VPS37C: variants seen among roughly 807,000 people sequenced by gnomAD.
VPS37C encodes vacuolar protein sorting-associated protein 37C.
VPS37C carries 9 observed loss-of-function variants against 16.1 expected under a neutral mutation model. The observed-to-expected ratio is 0.56, with a 90% confidence interval of 0.34 to 0.97. VPS37C has a LOEUF of 0.97. Among genes scored for constraint, VPS37C ranks in the 50% least tolerant of loss-of-function variants. The pLI, the probability that VPS37C is intolerant of heterozygous loss-of-function variation, is 0.02. For missense variants in VPS37C, 479 were observed against 472.7 expected (o/e 1.01, Z -0.12); for synonymous variants, 207 against 206.4 (o/e 1.00, Z -0.02).
At chr11:61,150,659 TCA>T (rs1345491715) in intron 1 of VPS37C, among the ~76,000 whole-genome samples, 1 of 151,740 alleles carries the variant, frequency 6.6e-6, no homozygotes, top group Non-Finnish European at 1.5e-5. Context: ...AGCCCTGTTC[TCA>T]CAGCTCAGTT....
chr11:61,132,224 C>G lies in VPS37C; in HGVS notation c.664G>C (p.Ala222Pro). 1 of 1,511,664 alleles carries G rather than the reference C, an allele frequency of 6.6e-7. No homozygotes were observed. Among genetic ancestry groups the G allele is most frequent in the African/African-American group, 1.4e-5 (1 of 71,770 alleles). The allele number at this position is 1,511,664 out of a possible 1,614,324, so 93.6% of individuals were successfully genotyped here. ...ACTGGGAAAGGGGCCGGTGGCAGGG[C>G]TCCATGGGCAGTGGGGCCCACAGGC... ...SLPVGPTAHGALPPAPFPVVS... is the reference protein window; with the variant it reads ...SLPVGPTAHGPLPPAPFPVVS... The change falls in exon 5 of 5, where the codon GCC (alanine) becomes CCC (proline). Residue 222 changes from alanine (A) to proline (P), a missense_variant. Transcript: ENST00000301765.
At position 61,132,286 on chromosome 11, in the gene VPS37C, G is replaced by C; in HGVS notation, c.602C>G (p.Pro201Arg). Residue 201 changes from proline to arginine, a missense_variant, in exon 5 of 5, where the codon CCT becomes CGT. Physicochemically the swap from Pro to Arg is moderately radical, Grantham distance 103 (BLOSUM62 -2). Transcript: ENST00000301765. ...TGGGCTGTAGGGCAAAGGGTAGGGA[G>C]GCATGGCTAATGGTGGCTGCGGCTG... Reference protein sequence around the residue: ...EEQPQPPLAMPPYPLPYSPSP... With the variant: ...EEQPQPPLAMRPYPLPYSPSP... The C allele has an allele frequency of 6.3e-7, 1 of 1,575,152 alleles. No individual in the cohort carries two copies. Among genetic ancestry groups the C allele is most frequent in the Non-Finnish European group, 8.6e-7 (1 of 1,158,042 alleles).
chr11:61,147,128 CCTCT>C (rs1164061628), intron 1 of VPS37C, among the ~76,000 whole-genome samples: 1 of 152,268 alleles, frequency 6.6e-6, no homozygotes, highest in South Asian at 2.1e-4. Flanking sequence ...GATGCCATAT[CCTCT>C]ATGGGAGACA....
At chr11:61,160,363 T>C (rs1853452566) in intron 1 of VPS37C, among the ~76,000 whole-genome samples, 6 of 151,924 alleles carry the variant, frequency 3.9e-5, no homozygotes, top group Admixed American at 3.9e-4. Context: ...AAAGTAAGAG[T>C]CTTTCTTTCC....
In VPS37C at chr11:61,161,381, C is replaced by A; in HGVS notation, c.-7+10G>T. On this transcript the variant is annotated intron_variant, in intron 1 of 4. Transcript: ENST00000301765. ...CGGCAGAGCCGGGACCCTCCCCAGT[C>A]TCCGCTCACCTGCCAGGGCCGCCGT... 6.5e-6 allele frequency: 1 copy of A among 153,290 alleles called. No homozygotes were observed. The highest frequency in any genetic ancestry group is 2.0e-4 in the South Asian group (1 of 4,976). The allele number at this position is 153,290 out of a possible 1,614,324, so 9.5% of individuals were successfully genotyped here.
In VPS37C at chr11:61,131,633, G is replaced by A. The variant is rs540434077; in HGVS notation, c.*187C>T. ...GGGCTTCCAGGAGGACCTCTGGCCA[G>A]AAGGCCAGCAAGTGCCATGACCAGT... is the stretch of plus-strand genomic sequence containing the variant. On this transcript the variant is annotated 3_prime_UTR_variant, in exon 5 of 5. Coordinates refer to ENST00000301765, the MANE Select transcript of VPS37C (RefSeq NM_017966.5). 102 of 841,270 alleles carry A rather than the reference G, an allele frequency of 1.2e-4. No individual in the cohort carries two copies. The East Asian group carries it at 2.2e-3, about 18-fold the overall frequency. The allele number at this position is 841,270 out of a possible 1,614,324, so 52.1% of individuals were successfully genotyped here.
intron 4 of VPS37C, 27 bp downstream of exon 4, chr11:61,133,228 A>C (rs1442077819): frequency 1.7e-5 from 28 of 1,608,060 alleles, no homozygotes; most frequent in Non-Finnish European, 2.4e-5. Flanking sequence ...CCGTCCAGGG[A>C]AGAGGGGTGT....
intron 3 of VPS37C, 140 bp from the exon 4 acceptor site, chr11:61,133,477 A>T: frequency 1.2e-6 from 1 of 809,386 alleles, no homozygotes. Context: ...GGTGGGCTTG[A>T]TGAGCACTTT....
chr11:61,156,594 C>A (rs1853380354), intron 1 of VPS37C, among the ~76,000 whole-genome samples: 1 of 151,740 alleles, frequency 6.6e-6, no homozygotes, highest in Non-Finnish European at 1.5e-5. Context: ...CAAAAAAAAA[C>A]AAAAACAAAA....
rs574430667 is a variant in VPS37C at position 61,152,937 on chromosome 11, G to A, written c.-7+8454C>T. Among the ~76,000 whole-genome samples the A allele has an allele frequency of 1.1e-4, 17 of 152,314 alleles. 1 individual carries two copies. The South Asian group carries it at 3.5e-3, about 32-fold the overall frequency. On this transcript the variant is annotated intron_variant, in intron 1 of 4. Coordinates refer to ENST00000301765, the MANE Select transcript of VPS37C (RefSeq NM_017966.5). ...GCTTTCCTTGCTTCTTCCTCCCAAA[G>A]AGTTCATCCTGCCTTCCATGGTACT...
Position 61,134,141 on chromosome 11 carries a change from A to C in VPS37C, c.160T>G (p.Leu54Val). The stretch of plus-strand genomic sequence containing the variant: ...ATCTCCAGGGGACCCTGGAACTCCA[A>C]GTTCCGCTCTGCCAGGCTCCGGTTG... ...ATNRSLAERN[L>V]EFQGPLEISR... is the part of the protein sequence containing the mutation. The change falls in exon 3 of 5, where the codon TTG becomes GTG. Residue 54 changes from leucine to valine, a missense_variant. Coordinates refer to ENST00000301765, the MANE Select transcript of VPS37C (RefSeq NM_017966.5). The C allele has an allele frequency of 6.2e-7, 1 of 1,614,020 alleles. No individual in the cohort carries two copies. The highest frequency in any genetic ancestry group is 8.5e-7 in the Non-Finnish European group (1 of 1,179,980).
chr11:61,148,066 G>A (rs1341147694), intron 1 of VPS37C, among the ~76,000 whole-genome samples: 1 of 152,162 alleles, frequency 6.6e-6, no homozygotes, highest in Non-Finnish European at 1.5e-5. Flanking sequence ...AAACTCCTGA[G>A]CACTGAACAA....
intron 1 of VPS37C, among the ~76,000 whole-genome samples, chr11:61,154,791 C>T (rs973872471): frequency 6.6e-6 from 1 of 152,140 alleles, no homozygotes; most frequent in African/African-American, 2.4e-5. Context: ...ATCATCATTA[C>T]ATTGTTTAAA....
At chr11:61,134,258 C>T in intron 2 of VPS37C, 51 bp from the exon 3 acceptor site, 1 of 1,570,922 alleles carries the variant, frequency 6.4e-7, no homozygotes, top group Non-Finnish European at 8.7e-7. Flanking sequence ...CACCCTTAAC[C>T]TCCTGGCAGC....
At chr11:61,152,227 G>C (rs1853308248) in intron 1 of VPS37C, among the ~76,000 whole-genome samples, 1 of 152,194 alleles carries the variant, frequency 6.6e-6, no homozygotes, top group African/African-American at 2.4e-5. Context: ...CTGACATAAA[G>C]TGGGGCAGCT....
chr11:61,134,514 A>G (rs939201625), intron 2 of VPS37C, among the ~76,000 whole-genome samples: 1 of 152,212 alleles, frequency 6.6e-6, no homozygotes, highest in African/African-American at 2.4e-5. Flanking sequence ...CAGAGCCCCA[A>G]GGAGGGGGTG....
At chr11:61,157,909 C>T (rs1184291454) in intron 1 of VPS37C, among the ~76,000 whole-genome samples, 1 of 152,162 alleles carries the variant, frequency 6.6e-6, no homozygotes, top group East Asian at 1.9e-4. Context: ...CACATGAGAG[C>T]TGGCTGCTTA....
Position 61,131,994 on chromosome 11 carries a change from T to G in VPS37C, c.894A>C (p.Gln298His). The G allele has an allele frequency of 7.4e-7, 1 of 1,359,494 alleles. No individual in the cohort carries two copies. The highest frequency in any genetic ancestry group is 9.5e-7 in the Non-Finnish European group (1 of 1,051,546). 84.2% of individuals were successfully genotyped at this position (1,359,494 alleles called of 1,614,324 possible). A position where few individuals can be genotyped will look rare whatever the true frequency, so the allele number is the denominator to read the frequency against. The stretch of plus-strand genomic sequence containing the variant: ...CTCCTGTTGCGGGGTATGGGGACTG[T>G]TGAGGATAACCAGGACTGGGGGCCC... ...GGRAPSPGYP[Q>H]QSPYPATGGK... Residue 298 changes from glutamine to histidine, a missense_variant, in exon 5 of 5, where the codon CAA becomes CAC. By Grantham distance (24) the Gln-to-His change is conservative (BLOSUM62 0). Coordinates refer to ENST00000301765, the MANE Select transcript of VPS37C (RefSeq NM_017966.5).
At chr11:61,149,965 G>A (rs113853009) in intron 1 of VPS37C, among the ~76,000 whole-genome samples, 168 of 152,146 alleles carry the variant, frequency 1.1e-3, no homozygotes, top group African/African-American at 3.3e-3. Context: ...ATCAGCACGC[G>A]GCAGGCTGCA....
Sources: allele counts gnomAD v4.1 joint callset (sites outside exome capture counted in the v4.1 genomes callset), GRCh38; gene constraint gnomAD v4.1.1; transcripts MANE v1.5; gene names NCBI Gene and HGNC (gene_info 2026-07-23, HGNC 2026-07-21).